Variants in TAFA4 observed in about 807,000 individuals in gnomAD.
The protein encoded by TAFA4 is chemokine-like protein TAFA-4.
TAFA4 carries 20 observed loss-of-function variants against 21.1 expected under a neutral mutation model. The ratio of observed to expected loss-of-function variants is 0.95; its 90% CI spans 0.67 to 1.38. The LOEUF (loss-of-function observed/expected upper bound fraction) is 1.38. Among genes scored for constraint, TAFA4 ranks in the 40% most tolerant of loss-of-function variants. The pLI, the probability that TAFA4 is intolerant of heterozygous loss-of-function variation, is 0.00. For missense variants in TAFA4, 211 were observed against 180.9 expected (o/e 1.17, Z -0.95); for synonymous variants, 71 against 67.4 (o/e 1.05, Z -0.26).
At chr3:68,756,193 G>A (rs924021542) in intron 3 of TAFA4, among the ~76,000 whole-genome samples, 3 of 152,120 alleles carry the variant, frequency 2.0e-5, no homozygotes, top group African/African-American at 7.2e-5. Flanking sequence ...ACACAGCAGT[G>A]GATAACTAAT....
intron 5 of TAFA4, among the ~76,000 whole-genome samples, chr3:68,736,500 A>G: frequency 6.6e-6 from 1 of 152,196 alleles, no homozygotes; most frequent in East Asian, 1.9e-4. Context: ...TAAATGGAAA[A>G]TAAAATTCTG....
chr3:68,864,463 T>C (rs1018272202), intron 3 of TAFA4, among the ~76,000 whole-genome samples: 8 of 152,122 alleles, frequency 5.3e-5, no homozygotes, highest in Non-Finnish European at 1.0e-4. Context: ...CTGGCAAGAA[T>C]ATGAAGGGAC....
chr3:68,785,274 G>A (rs1423086278), intron 3 of TAFA4, among the ~76,000 whole-genome samples: 1 of 152,258 alleles, frequency 6.6e-6, no homozygotes, highest in Non-Finnish European at 1.5e-5. Flanking sequence ...CACTGGGGCT[G>A]CAGGTGGAGC....
chr3:68,923,937 T>C (rs1169150554), intron 1 of TAFA4, among the ~76,000 whole-genome samples: 1 of 152,226 alleles, frequency 6.6e-6, no homozygotes, highest in Non-Finnish European at 1.5e-5. Context: ...GAGTGCTTCA[T>C]TTTTCTAATG....
chr3:68,849,580 G>A (rs140862176), intron 3 of TAFA4, among the ~76,000 whole-genome samples: 5 of 152,232 alleles, frequency 3.3e-5, no homozygotes, highest in African/African-American at 7.2e-5. Flanking sequence ...TGGACCCTTC[G>A]GACTAGCCCA....
At chr3:68,743,632 C>A (rs1176709284) in intron 4 of TAFA4, among the ~76,000 whole-genome samples, 6 of 147,894 alleles carry the variant, frequency 4.1e-5, no homozygotes, top group African/African-American at 1.2e-4. Flanking sequence ...AATATCATAA[C>A]AATTTCCCCT....
intron 3 of TAFA4, among the ~76,000 whole-genome samples, chr3:68,757,762 A>T (rs1296140523): frequency 6.6e-6 from 1 of 152,116 alleles, no homozygotes; most frequent in Admixed American, 6.6e-5. Context: ...TAAGATACAT[A>T]TTTTTTTCAC....
At chr3:68,787,594 C>T (rs573092356) in intron 3 of TAFA4, among the ~76,000 whole-genome samples, 13 of 152,264 alleles carry the variant, frequency 8.5e-5, no homozygotes, top group South Asian at 6.2e-4. Context: ...CCTTGAGCCA[C>T]TTACACATCA....
intron 3 of TAFA4, among the ~76,000 whole-genome samples, chr3:68,777,703 C>A (rs1703073973): frequency 6.6e-6 from 1 of 152,036 alleles, no homozygotes; most frequent in South Asian, 2.1e-4. Flanking sequence ...TAGTAATATG[C>A]AACAGTCATG....
At chr3:68,925,210 T>C (rs2090096594) in intron 1 of TAFA4, among the ~76,000 whole-genome samples, 1 of 151,384 alleles carries the variant, frequency 6.6e-6, no homozygotes, top group African/African-American at 2.5e-5. Flanking sequence ...TCTCTGTGTG[T>C]GCGTGTGTGT....
intron 3 of TAFA4, among the ~76,000 whole-genome samples, chr3:68,870,648 C>T (rs1272334396): frequency 6.6e-6 from 1 of 151,988 alleles, no homozygotes; most frequent in African/African-American, 2.4e-5. Flanking sequence ...TATACATGTG[C>T]CATGGTGGTT....
intron 3 of TAFA4, among the ~76,000 whole-genome samples, chr3:68,784,192 A>G (rs1703206858): frequency 6.6e-6 from 1 of 152,256 alleles, no homozygotes; most frequent in South Asian, 2.1e-4. Flanking sequence ...TTTATGATTC[A>G]AAGTGTTAAG....
At chr3:68,834,744 C>T (rs1014045348) in intron 3 of TAFA4, among the ~76,000 whole-genome samples, 7 of 152,254 alleles carry the variant, frequency 4.6e-5, no homozygotes, top group Admixed American at 3.9e-4. Context: ...TTCTCTTACA[C>T]TCTCCACCCC....
chr3:68,830,101 A>G (rs965715967), intron 3 of TAFA4, among the ~76,000 whole-genome samples: 6 of 151,856 alleles, frequency 4.0e-5, no homozygotes, highest in Admixed American at 1.3e-4. Context: ...AGTCTTGCTA[A>G]CGGTCTATCA....
intron 1 of TAFA4, among the ~76,000 whole-genome samples, chr3:68,898,575 G>T (rs1254259279): frequency 6.6e-6 from 1 of 152,224 alleles, no homozygotes; most frequent in Non-Finnish European, 1.5e-5. Flanking sequence ...GAACCTGGGA[G>T]GCAGAGGTTG....
At chr3:68,738,719 G>A (rs1034978453) in intron 5 of TAFA4, among the ~76,000 whole-genome samples, 1 of 152,144 alleles carries the variant, frequency 6.6e-6, no homozygotes, top group Non-Finnish European at 1.5e-5. Context: ...AAAGCAATAG[G>A]TATTTCTACT....
intron 3 of TAFA4, among the ~76,000 whole-genome samples, chr3:68,879,139 A>T (rs981306882): frequency 1.3e-5 from 2 of 152,182 alleles, no homozygotes; most frequent in Admixed American, 6.5e-5. Context: ...CATGAAGCCC[A>T]TGGGACAGTG....
intron 3 of TAFA4, among the ~76,000 whole-genome samples, chr3:68,865,443 C>T (rs1157397749): frequency 1.3e-5 from 2 of 151,884 alleles, no homozygotes; most frequent in East Asian, 3.9e-4. Context: ...ACTGTTTTCA[C>T]AATAGTGAGT....
intron 3 of TAFA4, among the ~76,000 whole-genome samples, chr3:68,856,436 A>G (rs1266144194): frequency 1.3e-5 from 2 of 152,128 alleles, no homozygotes; most frequent in Non-Finnish European, 2.9e-5. Flanking sequence ...TTACTCTCCA[A>G]AGATTATATT....
Sources: allele counts gnomAD v4.1 joint callset (sites outside exome capture counted in the v4.1 genomes callset), GRCh38; gene constraint gnomAD v4.1.1; transcripts MANE v1.5; gene names NCBI Gene and HGNC (gene_info 2026-07-23, HGNC 2026-07-21).